NECTIN3: variants seen among roughly 807,000 people sequenced by gnomAD.
NECTIN3 encodes the protein nectin-3.
NECTIN3 carries 8 observed loss-of-function variants against 49.4 expected under a neutral mutation model. That is an observed-to-expected ratio of 0.16 (90% CI 0.10 to 0.29). The LOEUF is 0.29. NECTIN3 is among the 10% of genes least tolerant of loss of function. The pLI is 1.00. For synonymous variants in NECTIN3, 277 were observed against 241.1 expected, an observed-to-expected ratio of 1.15 and a Z score of -1.38; for missense variants, 581 against 654.6, an observed-to-expected ratio of 0.89 and a Z score of 1.23.
intron 1 of NECTIN3, among the ~76,000 whole-genome samples, chr3:111,088,812 C>G (rs1337089672): frequency 6.6e-6 from 1 of 152,060 alleles, no homozygotes; most frequent in Non-Finnish European, 1.5e-5. Context: ...CTTTTGCCAC[C>G]TTTTGGTGTC....
chr3:111,144,614 C>T (rs2034830323), intron 5 of NECTIN3, among the ~76,000 whole-genome samples: 1 of 151,734 alleles, frequency 6.6e-6, no homozygotes, highest in African/African-American at 2.4e-5. Flanking sequence ...TCTCTCTCTT[C>T]TTCTCCAGGT....
In NECTIN3 at chr3:111,118,906, A is replaced by G. The variant is rs2033824348; in HGVS notation, c.753A>G (p.Pro251=). The G allele has an allele frequency of 6.2e-7, 1 of 1,614,178 alleles. No homozygotes were observed. The highest frequency in any genetic ancestry group is 8.5e-7 in the Non-Finnish European group (1 of 1,180,000). Reference sequence around the variant, plus strand: ...GAATTACTTGTGTTGTAAAACATCCAGCCTTGGAAAAGGACATCCGATACT... The same window carrying G: ...GAATTACTTGTGTTGTAAAACATCCGGCCTTGGAAAAGGACATCCGATACT... The part of the protein sequence containing the change: ...GRRITCVVKH[P]ALEKDIRYSF... Residue 251 remains proline (P), a synonymous_variant, in exon 3 of 6, where the codon CCA becomes CCG. Coordinates refer to ENST00000485303, the MANE Select transcript of NECTIN3 (RefSeq NM_015480.3).
chr3:111,147,359 T>A, intron 6 of NECTIN3: 1 of 1,366,036 alleles, frequency 7.3e-7, no homozygotes, highest in Non-Finnish European at 9.8e-7. Context: ...TTTTTTTTTT[T>A]TTCCTAAATG....
chr3:111,165,335 G>T (rs1286933921), intron 7 of NECTIN3, among the ~76,000 whole-genome samples: 1 of 152,106 alleles, frequency 6.6e-6, no homozygotes, highest in African/African-American at 2.4e-5. Flanking sequence ...GAGCCACCGT[G>T]CCCGGCCAGA....
chr3:111,122,213 C>T lies in NECTIN3; in HGVS notation c.892C>T (p.Pro298Ser). The T allele has an allele frequency of 6.2e-7, 1 of 1,611,550 alleles. No individual in the cohort carries two copies. Reference sequence around the variant, plus strand: ...CAAATGTAATGCTGATGCAAATCCACCACCCTTCAAATCTGTGTGGAGCAG... The same window carrying T: ...CAAATGTAATGCTGATGCAAATCCATCACCCTTCAAATCTGTGTGGAGCAG... The part of the protein sequence containing the change: ...NLKCNADANP[P>S]PFKSVWSRLD... The change falls in exon 4 of 6, where the codon CCA becomes TCA. Residue 298 changes from proline (P) to serine (S), a missense_variant. Physicochemically the swap from Pro to Ser is moderately conservative, Grantham distance 74. Coordinates refer to ENST00000485303, the MANE Select transcript of NECTIN3 (RefSeq NM_015480.3).
At chr3:111,186,748 C>T (rs537691761) in intron 7 of NECTIN3, among the ~76,000 whole-genome samples, 2 of 152,206 alleles carry the variant, frequency 1.3e-5, no homozygotes, top group African/African-American at 4.8e-5. Flanking sequence ...GCCTCTGTGA[C>T]TTTAGCAAAT....
In NECTIN3 at chr3:111,136,077, C is replaced by T. The variant is rs574050341; in HGVS notation, c.*1862C>T. 78 of 983,018 alleles carry T rather than the reference C, an allele frequency of 7.9e-5. No individual in the cohort carries two copies. The highest frequency in any genetic ancestry group is 8.7e-5 in the African/African-American group (5 of 57,172). 60.9% of individuals were successfully genotyped at this position (983,018 alleles called of 1,614,324 possible). A position where few individuals can be genotyped will look rare whatever the true frequency, so the allele number is the denominator to read the frequency against. On this transcript the variant is annotated 3_prime_UTR_variant, in exon 6 of 6. Coordinates refer to ENST00000485303, the MANE Select transcript of NECTIN3 (RefSeq NM_015480.3). ...GATGTGACTTTATTTTTAATTTAAA[C>T]GATGAGGTGGCCAGAAGAAAGATGG...
At chr3:111,146,774 G>A (rs561863234) in intron 6 of NECTIN3, among the ~76,000 whole-genome samples, 1 of 152,206 alleles carries the variant, frequency 6.6e-6, no homozygotes, top group Non-Finnish European at 1.5e-5. Flanking sequence ...AATGCAGAGA[G>A]CTATAAGGTA....
intron 1 of NECTIN3, chr3:111,074,143 A>G (rs767367680): frequency 1.3e-4 from 57 of 448,060 alleles, no homozygotes; most frequent in Admixed American, 1.9e-4. Flanking sequence ...GTGAACCTTT[A>G]TGACGAGTTT....
downstream of NECTIN3, among the ~76,000 whole-genome samples, chr3:111,140,706 C>G (rs1030963959): frequency 6.6e-6 from 1 of 151,766 alleles, no homozygotes; most frequent in African/African-American, 2.4e-5. Context: ...CAGCTGAGCT[C>G]TCATAAATCG....
At chr3:111,156,617 T>C (rs1470493316) in intron 7 of NECTIN3, among the ~76,000 whole-genome samples, 2 of 152,232 alleles carry the variant, frequency 1.3e-5, no homozygotes, top group Non-Finnish European at 2.9e-5. Context: ...TGACCTTATC[T>C]GAAGCCACCA....
intron 1 of NECTIN3, among the ~76,000 whole-genome samples, chr3:111,095,445 C>G (rs2032528356): frequency 6.6e-6 from 1 of 152,046 alleles, no homozygotes; most frequent in South Asian, 2.1e-4. Flanking sequence ...TGGGGTCTAC[C>G]TTTGATCAGC....
chr3:111,178,293 A>G (rs1274497931), intron 7 of NECTIN3, among the ~76,000 whole-genome samples: 4 of 152,214 alleles, frequency 2.6e-5, no homozygotes, highest in Non-Finnish European at 5.9e-5. Flanking sequence ...AAAGTTAGCC[A>G]TGAGGACTTT....
chr3:111,154,452 C>A (rs553324658), intron 7 of NECTIN3, among the ~76,000 whole-genome samples: 81 of 152,248 alleles, frequency 5.3e-4, no homozygotes, highest in African/African-American at 1.8e-3. Context: ...AACAAAGTTG[C>A]TATGAACATT....
At chr3:111,123,011 A>G (rs893324637) in intron 4 of NECTIN3, among the ~76,000 whole-genome samples, 1 of 151,838 alleles carries the variant, frequency 6.6e-6, no homozygotes, top group East Asian at 1.9e-4. Context: ...TATTCTTCCT[A>G]GAAGATTTTC....
chr3:111,093,275 A>G (rs115765749), intron 1 of NECTIN3, among the ~76,000 whole-genome samples: 1,872 of 152,296 alleles, frequency 0.012, 40 homozygotes, highest in African/African-American at 0.043. Context: ...ATTCCATTTT[A>G]TCACAGAGCA....
upstream of NECTIN3, among the ~76,000 whole-genome samples, chr3:111,187,425 A>G (rs925722615): frequency 9.9e-5 from 15 of 152,084 alleles, no homozygotes; most frequent in African/African-American, 3.6e-4. Flanking sequence ...ACAATTAAGC[A>G]TACTCTTACC....
chr3:111,077,733 A>G (rs1177712624), intron 1 of NECTIN3, among the ~76,000 whole-genome samples: 4 of 152,208 alleles, frequency 2.6e-5, no homozygotes, highest in African/African-American at 9.6e-5. Context: ...ATTTGACCAA[A>G]TATTATCAAT....
At chr3:111,139,657 A>G (rs2034691022), downstream of NECTIN3, among the ~76,000 whole-genome samples, 1 of 151,694 alleles carries the variant, frequency 6.6e-6, no homozygotes. Context: ...AGATGTCTGA[A>G]TAATTGTCAT....
Sources: allele counts gnomAD v4.1 joint callset (sites outside exome capture counted in the v4.1 genomes callset), GRCh38; gene constraint gnomAD v4.1.1; transcripts MANE v1.5; gene names NCBI Gene and HGNC (gene_info 2026-07-23, HGNC 2026-07-21).